Variants in LOC122539214 observed in about 807,000 individuals in gnomAD.
chr19:52,664,684 G>A, the LOC122539214 span, among the ~76,000 whole-genome samples: 1 of 151,640 alleles, frequency 6.6e-6, no homozygotes, highest in Middle Eastern at 3.2e-3. Flanking sequence ...AGGCCAGGAA[G>A]GGATGCAGAT....
chr19:52,655,333 T>C, the LOC122539214 span: 3 of 418,556 alleles, frequency 7.2e-6, no homozygotes, highest in South Asian at 7.0e-5. Context: ...TGACGTTCAA[T>C]TCTATTAGTC....
the LOC122539214 span, among the ~76,000 whole-genome samples, chr19:52,688,733 T>C: frequency 0.69 from 104,878 of 151,876 alleles, 37,758 homozygotes; most frequent in African/African-American, 0.91. Flanking sequence ...TGGACAGAAA[T>C]TTAAAAATAA....
the LOC122539214 span, among the ~76,000 whole-genome samples, chr19:52,689,471 C>T: frequency 6.6e-6 from 1 of 152,088 alleles, no homozygotes; most frequent in African/African-American, 2.4e-5. Context: ...GCCACCAGCA[C>T]CACTCTGCTC....
chr19:52,687,578 T>TTA, the LOC122539214 span, among the ~76,000 whole-genome samples: 242 of 38,584 alleles, frequency 6.3e-3, 54 homozygotes, highest in Non-Finnish European at 8.5e-3. Context: ...TATATAAATT[T>TTA]TATATATATA....
At chr19:52,663,412 G>T in the LOC122539214 span, among the ~76,000 whole-genome samples, 3 of 152,198 alleles carry the variant, frequency 2.0e-5, no homozygotes, top group Admixed American at 6.5e-5. Context: ...CATGGACTCT[G>T]CTGGAACAAG....
At chr19:52,667,224 G>GAA in the LOC122539214 span, among the ~76,000 whole-genome samples, 4 of 86,170 alleles carry the variant, frequency 4.6e-5, no homozygotes, top group Non-Finnish European at 7.8e-5. Flanking sequence ...TATCATCTTT[G>GAA]AAAAAAAAAA....
the LOC122539214 span, among the ~76,000 whole-genome samples, chr19:52,671,503 G>A: frequency 2.6e-3 from 396 of 151,966 alleles, 2 homozygotes; most frequent in Non-Finnish European, 4.0e-3. Flanking sequence ...GAATGCAGTG[G>A]CAGGAACACT....
the LOC122539214 span, among the ~76,000 whole-genome samples, chr19:52,686,509 A>T: frequency 2.6e-5 from 4 of 151,188 alleles, no homozygotes; most frequent in Non-Finnish European, 5.9e-5. Flanking sequence ...GAAAGAAAAA[A>T]AAAAAGAAAT....
chr19:52,658,988 T>C, the LOC122539214 span, among the ~76,000 whole-genome samples: 1 of 152,116 alleles, frequency 6.6e-6, no homozygotes, highest in African/African-American at 2.4e-5. Flanking sequence ...GGGCCGGCTC[T>C]TGGTGTGCAG....
the LOC122539214 span, among the ~76,000 whole-genome samples, chr19:52,656,268 T>A: frequency 6.6e-6 from 1 of 151,992 alleles, no homozygotes; most frequent in Non-Finnish European, 1.5e-5. Flanking sequence ...ACACCTATAA[T>A]CCTGTCACTT....
At chr19:52,653,339 T>C in the LOC122539214 span, 2 of 1,246,506 alleles carry the variant, frequency 1.6e-6, no homozygotes, top group South Asian at 2.4e-5. Flanking sequence ...GTATGAACTC[T>C]CTGATGTTGT....
the LOC122539214 span, among the ~76,000 whole-genome samples, chr19:52,685,204 G>A: frequency 2.6e-5 from 4 of 152,086 alleles, no homozygotes; most frequent in Non-Finnish European, 5.9e-5. Context: ...GGTCACTCAG[G>A]GTGAGCTTTT....
the LOC122539214 span, among the ~76,000 whole-genome samples, chr19:52,656,115 A>T: frequency 6.6e-6 from 1 of 152,112 alleles, no homozygotes; most frequent in Non-Finnish European, 1.5e-5. Context: ...TGGGAGGCTG[A>T]GGTAGGAGTA....
At chr19:52,650,769 G>T in the LOC122539214 span, 1 of 152,202 alleles carries the variant, frequency 6.6e-6, no homozygotes, top group Non-Finnish European at 1.5e-5. Context: ...GGACAAACTT[G>T]TTAGGAAGTG....
the LOC122539214 span, chr19:52,652,648 C>T: frequency 1.9e-6 from 1 of 519,692 alleles, no homozygotes; most frequent in Non-Finnish European, 3.8e-6. Context: ...CTTGTAAGAT[C>T]TCTCTTCATT....
the LOC122539214 span, among the ~76,000 whole-genome samples, chr19:52,673,862 A>C: frequency 7.2e-3 from 1,093 of 151,700 alleles, 21 homozygotes; most frequent in African/African-American, 0.025. Context: ...TAAAAATACA[A>C]AAAATTAACC....
chr19:52,674,716 G>A, the LOC122539214 span, among the ~76,000 whole-genome samples: 2 of 152,140 alleles, frequency 1.3e-5, no homozygotes, highest in Non-Finnish European at 2.9e-5. Flanking sequence ...GTAAAAATGC[G>A]AGAAGTTTCT....
At chr19:52,684,765 A>G in the LOC122539214 span, among the ~76,000 whole-genome samples, 1 of 152,066 alleles carries the variant, frequency 6.6e-6, no homozygotes, top group African/African-American at 2.4e-5. Flanking sequence ...AGGGACAATG[A>G]CCTGAGACAG....
At chr19:52,655,998 C>T in the LOC122539214 span, among the ~76,000 whole-genome samples, 1 of 151,954 alleles carries the variant, frequency 6.6e-6, no homozygotes, top group Non-Finnish European at 1.5e-5. Context: ...ATCAACTGAG[C>T]TCAGGAGTTC....
Sources: allele counts gnomAD v4.1 joint callset (sites outside exome capture counted in the v4.1 genomes callset), GRCh38; gene constraint gnomAD v4.1.1; transcripts MANE v1.5.